Variants in KCNC2 observed in about 807,000 individuals in gnomAD.
The protein encoded by KCNC2 is potassium voltage-gated channel subfamily C member 2.
Under a neutral mutation model 44.5 loss-of-function variants are expected in KCNC2, and 21 were observed. The observed-to-expected ratio is 0.47, with a 90% CI of 0.33 to 0.68. The LOEUF (loss-of-function observed/expected upper bound fraction) is 0.68. KCNC2 is among the 30% of genes least tolerant of loss of function. KCNC2 has a pLI of 0.01. For synonymous variants in KCNC2, 391 were observed against 339.1 expected, an observed-to-expected ratio of 1.15 and a Z score of -1.68; for missense variants, 589 against 826.2, an observed-to-expected ratio of 0.71 and a Z score of 3.52.
Position 75,061,805 on chromosome 12 carries a change from T to A in KCNC2, c.688-10488A>T, listed in dbSNP as rs1882370639. ...CAATCAGCAAGCCATCATAACTACATGATTTTTACAAATTGTTTTTAACTA... is the reference window on the plus strand; with the variant it reads ...CAATCAGCAAGCCATCATAACTACAAGATTTTTACAAATTGTTTTTAACTA... On this transcript the variant is annotated intron_variant, in intron 2 of 4. Transcript: ENST00000549446. Among the ~76,000 whole-genome samples, 4 of 152,082 alleles carry A rather than the reference T, an allele frequency of 2.6e-5. No individual in the cohort carries two copies. In the South Asian group the frequency reaches 6.2e-4, roughly 24 times the overall value.
intron 2 of KCNC2, among the ~76,000 whole-genome samples, chr12:75,121,504 T>A (rs1888043535): frequency 6.6e-6 from 1 of 151,888 alleles, no homozygotes; most frequent in Admixed American, 6.6e-5. Flanking sequence ...AATATAGGGG[T>A]GGGAGGCAGA....
chr12:75,195,006 T>C (rs2471646), intron 2 of KCNC2, among the ~76,000 whole-genome samples: 11,189 of 152,190 alleles, frequency 0.074, 1,393 homozygotes, highest in African/African-American at 0.26. Flanking sequence ...TGTAAAGCAA[T>C]TTTCCAAAGA....
At chr12:75,160,147 G>T (rs1891024505) in intron 2 of KCNC2, among the ~76,000 whole-genome samples, 1 of 151,768 alleles carries the variant, frequency 6.6e-6, no homozygotes, top group Admixed American at 6.6e-5. Flanking sequence ...AAACAGAATT[G>T]TAAGGCTAGG....
At chr12:75,114,728 C>A (rs1015434546) in intron 2 of KCNC2, among the ~76,000 whole-genome samples, 1 of 152,102 alleles carries the variant, frequency 6.6e-6, no homozygotes, top group Non-Finnish European at 1.5e-5. Context: ...AATACTACTT[C>A]ACATCATACT....
At chr12:75,179,551 T>TTTC (rs1303108765) in intron 2 of KCNC2, among the ~76,000 whole-genome samples, 1 of 151,544 alleles carries the variant, frequency 6.6e-6, no homozygotes, top group East Asian at 1.9e-4. Flanking sequence ...TTATGCATGT[T>TTTC]AGACTCCATA....
intron 3 of KCNC2, among the ~76,000 whole-genome samples, chr12:75,049,476 A>G (rs1592756714): frequency 6.6e-6 from 1 of 152,254 alleles, no homozygotes. Flanking sequence ...AAAATATTTT[A>G]CCTGTACCAG....
Position 75,150,624 on chromosome 12 carries a change from G to T in KCNC2, c.687+56673C>A, listed in dbSNP as rs558549745. Among the ~76,000 whole-genome samples the T allele has an allele frequency of 3.3e-5, 5 of 151,918 alleles. No individual in the cohort carries two copies. In the East Asian group the frequency reaches 9.7e-4, roughly 29 times the overall value. ...GCATAGCTATCCATTGCTAGACTGT[G>T]AGCACCATCAAAGCAAGAACATCTC... On this transcript the variant is annotated intron_variant, in intron 2 of 4. Coordinates refer to ENST00000549446, the MANE Select transcript of KCNC2 (RefSeq NM_139137.4).
chr12:75,200,931 A>G (rs536047762), intron 2 of KCNC2, among the ~76,000 whole-genome samples: 1 of 151,822 alleles, frequency 6.6e-6, no homozygotes, highest in African/African-American at 2.4e-5. Context: ...CTTTTATATA[A>G]AATATGAAAA....
chr12:75,140,996 T>C (rs1456859500), intron 2 of KCNC2, among the ~76,000 whole-genome samples: 2 of 152,180 alleles, frequency 1.3e-5, no homozygotes, highest in Admixed American at 6.6e-5. Flanking sequence ...ACCTTTCTTG[T>C]TTCTAACTTC....
Position 75,207,213 on chromosome 12 carries a change from G to T in KCNC2, c.687+84C>A. On this transcript the variant is annotated intron_variant, in intron 2 of 4. Transcript: ENST00000549446. This position sits in a 1 kb window ranked among gnomAD's most constrained non-coding sequence, Gnocchi z 4.1. The stretch of plus-strand genomic sequence containing the variant: ...GTCTCTTCTACCCCCCATGCCTGAG[G>T]CCCTGGGGTGGAAAAGAACAGAAAG... 3 of 1,487,890 alleles carry T rather than the reference G, an allele frequency of 2.0e-6. No individual in the cohort carries two copies. The highest frequency in any genetic ancestry group is 2.7e-6 in the Non-Finnish European group (3 of 1,120,338). 92.2% of individuals were successfully genotyped at this position (1,487,890 alleles called of 1,614,324 possible). A position where few individuals can be genotyped will look rare whatever the true frequency, so the allele number is the denominator to read the frequency against.
intron 2 of KCNC2, among the ~76,000 whole-genome samples, chr12:75,165,948 A>T (rs1356414329): frequency 3.3e-5 from 5 of 151,456 alleles, no homozygotes; most frequent in Non-Finnish European, 4.4e-5. Flanking sequence ...TTGATTGAAC[A>T]CTCCAACCAA....
intron 2 of KCNC2, among the ~76,000 whole-genome samples, chr12:75,192,652 T>G (rs1445552989): frequency 1.3e-5 from 2 of 152,200 alleles, no homozygotes; most frequent in South Asian, 2.1e-4. Context: ...TCTAATTTTC[T>G]CAGTAGGATT....
In KCNC2 at chr12:75,201,279, A is replaced by AC. The variant is rs1565693479; in HGVS notation, c.687+6017_687+6018insG. On this transcript the variant is annotated intron_variant, in intron 2 of 4. Coordinates refer to ENST00000549446, the MANE Select transcript of KCNC2 (RefSeq NM_139137.4). ...CGAAATTGGAAAAAAAAAAAAAAAA[A>AC]AAAAAAAAAAAAAAAAAAACCAGAT... 2.3e-3 allele frequency among the ~76,000 whole-genome samples: 282 copies of AC among 123,702 alleles called. 1 individual carries two copies. The highest frequency in any genetic ancestry group is 3.9e-3 in the Middle Eastern group (1 of 258). The allele number at this position is 123,702 out of a possible 152,430, so 81.2% of individuals were successfully genotyped here.
intron 2 of KCNC2, among the ~76,000 whole-genome samples, chr12:75,151,202 T>C (rs1336196937): frequency 6.6e-6 from 1 of 151,946 alleles, no homozygotes; most frequent in East Asian, 1.9e-4. Context: ...ACAAACCCTT[T>C]ATTTGTATGA....
intron 2 of KCNC2, among the ~76,000 whole-genome samples, chr12:75,114,911 T>G (rs1185395671): frequency 1.5e-5 from 2 of 136,148 alleles, no homozygotes; most frequent in African/African-American, 2.9e-5. Flanking sequence ...TCACCCAGGC[T>G]GGAGTGCAGT....
intron 3 of KCNC2, among the ~76,000 whole-genome samples, chr12:75,049,819 TAATC>T: frequency 6.6e-6 from 1 of 152,214 alleles, no homozygotes; most frequent in Admixed American, 6.5e-5. Context: ...AATGAAAATT[TAATC>T]AATCCTCCAG....
chr12:75,199,472 C>T (rs542605289), intron 2 of KCNC2, among the ~76,000 whole-genome samples: 2 of 151,918 alleles, frequency 1.3e-5, no homozygotes, highest in South Asian at 4.2e-4. Context: ...ACATTTTGCC[C>T]CAAGTTCTTC....
chr12:75,201,750 T>A (rs1441754751), intron 2 of KCNC2, among the ~76,000 whole-genome samples: 1 of 151,910 alleles, frequency 6.6e-6, no homozygotes, highest in Non-Finnish European at 1.5e-5. Context: ...AAAAAAGCAG[T>A]GCTTTTCTGT....
At chr12:75,061,566 TACACACACACACACACACACACACAC>T (rs59052402) in intron 2 of KCNC2, among the ~76,000 whole-genome samples, 3 of 143,448 alleles carry the variant, frequency 2.1e-5, no homozygotes, top group East Asian at 4.2e-4. Context: ...AAGTGACAAG[TACACACACACACACACACACACACAC>T]ACACACACAC....
Sources: gnomAD v4.1 joint callset for allele counts (sites outside exome capture counted in the v4.1 genomes callset) on GRCh38, gnomAD v4.1.1 for gene constraint, Gnocchi (gnomAD v3.1) non-coding constraint, MANE v1.5 for transcripts, NCBI Gene and HGNC (gene_info 2026-07-23, HGNC 2026-07-21) for gene names.